Variants in FOXN3 observed in about 807,000 individuals in gnomAD.
FOXN3 encodes forkhead box N3, also known as forkhead box protein N3.
FOXN3 carries 7 observed loss-of-function variants against 38.4 expected under a neutral mutation model. The ratio of observed to expected loss-of-function variants is 0.18; its 90% CI spans 0.10 to 0.34. FOXN3 has a LOEUF of 0.34. Ranked by LOEUF, FOXN3 falls within the 10% of genes least tolerant of loss-of-function variation. The pLI is 1.00. For synonymous variants in FOXN3, 230 were observed against 242.2 expected, an observed-to-expected ratio of 0.95 and a Z score of 0.47; for missense variants, 456 against 613.4, an observed-to-expected ratio of 0.74 and a Z score of 2.71.
chr14:89,382,327 C>G (rs555153851), intron 2 of FOXN3, among the ~76,000 whole-genome samples: 24 of 152,244 alleles, frequency 1.6e-4, no homozygotes, highest in African/African-American at 5.8e-4. Context: ...AAATCCCACT[C>G]CCACACTCCA....
intron 1 of FOXN3, among the ~76,000 whole-genome samples, chr14:89,584,982 C>T (rs1895814642): frequency 6.6e-6 from 1 of 152,240 alleles, no homozygotes; most frequent in South Asian, 2.1e-4. Flanking sequence ...TCCCGAAGTG[C>T]TGGGATTACA....
chr14:89,567,369 G>A (rs1035608418), intron 1 of FOXN3, among the ~76,000 whole-genome samples: 2 of 152,192 alleles, frequency 1.3e-5, no homozygotes, highest in African/African-American at 4.8e-5. Flanking sequence ...TAGGTATGAA[G>A]TAGTCCTAAG....
At chr14:89,256,995 G>C (rs1161641337) in intron 4 of FOXN3, among the ~76,000 whole-genome samples, 1 of 152,244 alleles carries the variant, frequency 6.6e-6, no homozygotes, top group East Asian at 1.9e-4. Flanking sequence ...TGTGTGAACT[G>C]CAGGTCAGCT....
chr14:89,460,141 T>A (rs1892812329), intron 1 of FOXN3, among the ~76,000 whole-genome samples: 1 of 152,176 alleles, frequency 6.6e-6, no homozygotes. Context: ...TGCATTTTGT[T>A]GTAAAAGACA....
intron 1 of FOXN3, among the ~76,000 whole-genome samples, chr14:89,544,349 T>C (rs1894845965): frequency 6.6e-6 from 1 of 152,082 alleles, no homozygotes; most frequent in Non-Finnish European, 1.5e-5. Context: ...CCTTTTTTTT[T>C]TTAAGACAGG....
chr14:89,375,765 CTTATT>C (rs750409570), intron 2 of FOXN3, among the ~76,000 whole-genome samples: 7 of 152,086 alleles, frequency 4.6e-5, no homozygotes, highest in South Asian at 2.1e-4. Flanking sequence ...TTCGGTTTAT[CTTATT>C]TTATTTTATT....
chr14:89,467,389 T>G (rs1043216308), intron 1 of FOXN3, among the ~76,000 whole-genome samples: 5 of 152,178 alleles, frequency 3.3e-5, no homozygotes, highest in Non-Finnish European at 7.4e-5. Context: ...TGGAAGGGGC[T>G]CTTGGAGAGA....
chr14:89,191,033 G>T (rs766619026), intron 4 of FOXN3, among the ~76,000 whole-genome samples: 1 of 152,034 alleles, frequency 6.6e-6, no homozygotes, highest in Non-Finnish European at 1.5e-5. Context: ...TTGTCATGTT[G>T]AGGGCACAAT....
chr14:89,309,622 T>C (rs1056151189), intron 3 of FOXN3, among the ~76,000 whole-genome samples: 9 of 152,206 alleles, frequency 5.9e-5, no homozygotes, highest in Non-Finnish European at 8.8e-5. Flanking sequence ...GGGGGGTCTC[T>C]GGAGTCTGCT....
chr14:89,370,343 A>G (rs1890279933), intron 2 of FOXN3, among the ~76,000 whole-genome samples: 1 of 152,184 alleles, frequency 6.6e-6, no homozygotes, highest in African/African-American at 2.4e-5. Flanking sequence ...GATCACAACC[A>G]GCAAGAGGCA....
chr14:89,246,086 A>T (rs1029113647), intron 4 of FOXN3, among the ~76,000 whole-genome samples: 4 of 152,090 alleles, frequency 2.6e-5, no homozygotes, highest in South Asian at 2.1e-4. Flanking sequence ...GCTTGTGCTG[A>T]TGGCTGCACA....
At chr14:89,340,997 T>C (rs1888598930) in intron 3 of FOXN3, among the ~76,000 whole-genome samples, 1 of 152,120 alleles carries the variant, frequency 6.6e-6, no homozygotes, top group Admixed American at 6.5e-5. Context: ...TTCCACCTTA[T>C]AAACTACAAA....
chr14:89,529,599 A>G (rs554685953), intron 1 of FOXN3, among the ~76,000 whole-genome samples: 4 of 152,346 alleles, frequency 2.6e-5, no homozygotes, highest in South Asian at 2.1e-4. Context: ...AATGTTTATC[A>G]TCTAAATGAT....
intron 4 of FOXN3, among the ~76,000 whole-genome samples, chr14:89,246,802 G>C (rs1885313532): frequency 6.6e-6 from 1 of 152,050 alleles, no homozygotes; most frequent in African/African-American, 2.4e-5. Flanking sequence ...GCCTCCCAAA[G>C]TGCTGGGATT....
At chr14:89,422,070 C>T (rs953148314), upstream of FOXN3, among the ~76,000 whole-genome samples, 5 of 152,070 alleles carry the variant, frequency 3.3e-5, no homozygotes, top group African/African-American at 1.2e-4. Flanking sequence ...TGGGGTCTCG[C>T]TATTTTGCCC....
chr14:89,232,038 C>A (rs1884828585), intron 4 of FOXN3, among the ~76,000 whole-genome samples: 1 of 152,202 alleles, frequency 6.6e-6, no homozygotes, highest in Non-Finnish European at 1.5e-5. Flanking sequence ...ATACTATCTG[C>A]CTTCAGGGTG....
rs541105403 is a variant in FOXN3 at position 89,602,575 on chromosome 14, C to A, written c.-15+16453G>T. Among the ~76,000 whole-genome samples the A allele has an allele frequency of 2.6e-5, 4 of 152,082 alleles. No individual in the cohort carries two copies. The South Asian group carries it at 6.2e-4, about 24-fold the overall frequency. Reference sequence around the variant, plus strand: ...GCAGTGGCGCGATCTCGGCTCACTGCAACCTCCGCCCCCCGAGTTCAAGTG... The same window carrying A: ...GCAGTGGCGCGATCTCGGCTCACTGAAACCTCCGCCCCCCGAGTTCAAGTG... On this transcript the variant is annotated intron_variant, in intron 1 of 6. Transcript: ENST00000345097.
At chr14:89,244,870 C>T (rs983100785) in intron 4 of FOXN3, among the ~76,000 whole-genome samples, 8 of 152,302 alleles carry the variant, frequency 5.3e-5, no homozygotes, top group African/African-American at 1.9e-4. Flanking sequence ...GGCACCTGTG[C>T]GTTCATTTCC....
At chr14:89,417,674 T>G, upstream of FOXN3, 1 of 455,816 alleles carries the variant, frequency 2.2e-6, no homozygotes, top group Non-Finnish European at 4.4e-6. Flanking sequence ...TAAAAAGAAT[T>G]ACGATGCGGG....
Sources: allele counts gnomAD v4.1 joint callset (sites outside exome capture counted in the v4.1 genomes callset), GRCh38; gene constraint gnomAD v4.1.1; transcripts MANE v1.5; gene names NCBI Gene and HGNC (gene_info 2026-07-23, HGNC 2026-07-21).